Variants in DIAPH2 observed in about 807,000 individuals in gnomAD.
DIAPH2 encodes the protein protein diaphanous homolog 2.
Under a neutral mutation model 92.7 loss-of-function variants are expected in DIAPH2, and 35 were observed. That is an observed-to-expected ratio of 0.38 (90% CI 0.29 to 0.50). The LOEUF (loss-of-function observed/expected upper bound fraction) is 0.50, where lower values mean the gene tolerates loss of function less well. Ranked by LOEUF, DIAPH2 falls within the 20% of genes least tolerant of loss-of-function variation. The pLI is 0.94. For missense variants in DIAPH2, 701 were observed against 819.5 expected, an observed-to-expected ratio of 0.86 and a Z score of 1.77; for synonymous variants, 301 against 280.4, an observed-to-expected ratio of 1.07 and a Z score of -0.73.
At chrX:97,135,120 T>G (rs578743) in intron 21 of DIAPH2, among the ~76,000 whole-genome samples, 8,950 of 111,790 alleles carry the variant, frequency 0.08, 575 homozygotes, top group African/African-American at 0.19. Context: ...AATTATATAT[T>G]GTGGAATAAG....
intron 4 of DIAPH2, among the ~76,000 whole-genome samples, chrX:96,814,257 G>C (rs1057371774): frequency 9.0e-6 from 1 of 110,906 alleles, no homozygotes; most frequent in Non-Finnish European, 1.9e-5. Context: ...TTCTCCTCTC[G>C]CTTTATTTCA....
At chrX:96,779,032 A>G (rs1021226327) in intron 4 of DIAPH2, among the ~76,000 whole-genome samples, 10 of 112,280 alleles carry the variant, frequency 8.9e-5, no homozygotes, top group Non-Finnish European at 1.9e-4. Flanking sequence ...TTTCTCTGAA[A>G]CATTTCACAT....
chrX:97,239,704 A>G (rs1335086694), intron 22 of DIAPH2, among the ~76,000 whole-genome samples: 1 of 111,230 alleles, frequency 9.0e-6, no homozygotes, highest in Non-Finnish European at 1.9e-5. Context: ...TAGTGAACTA[A>G]TATAATGACA....
chrX:97,537,493 T>C (rs2071105296), intron 26 of DIAPH2, among the ~76,000 whole-genome samples: 1 of 112,201 alleles, frequency 8.9e-6, no homozygotes, highest in South Asian at 3.7e-4. Context: ...GTAAACAGCC[T>C]CTAAGATAGT....
chrX:97,522,795 C>G (rs1459667991), intron 26 of DIAPH2, among the ~76,000 whole-genome samples: 1 of 112,248 alleles, frequency 8.9e-6, no homozygotes, highest in African/African-American at 3.2e-5. Context: ...TTATTTACCT[C>G]CTGCCCATGA....
chrX:97,583,164 T>G (rs2147880996), intron 26 of DIAPH2, among the ~76,000 whole-genome samples: 1 of 112,317 alleles, frequency 8.9e-6, no homozygotes, highest in African/African-American at 3.2e-5. Flanking sequence ...GAAGTCTTCT[T>G]CTCTCAGCTC....
chrX:96,871,025 GGTAA>G (rs1256915812), intron 4 of DIAPH2, among the ~76,000 whole-genome samples: 1 of 111,865 alleles, frequency 8.9e-6, no homozygotes, highest in African/African-American at 3.2e-5. Flanking sequence ...AACAAATGTT[GGTAA>G]GTCTTACTGT....
In DIAPH2 at chrX:97,253,867, A is replaced by G. The variant is rs1481791328; in HGVS notation, c.2844+6028A>G. 2.7e-5 allele frequency among the ~76,000 whole-genome samples: 3 copies of G among 112,472 alleles called. No individual in the cohort carries two copies. The East Asian group carries it at 8.3e-4, about 31-fold the overall frequency. On this transcript the variant is annotated intron_variant, in intron 23 of 26. Coordinates refer to ENST00000324765, the MANE Select transcript of DIAPH2 (RefSeq NM_006729.5). ...TAAAGGCCAATTTTATTCAGCAACTATTGCAATAGGAGAGAGACCTTACTA... is the reference window on the plus strand; with the variant it reads ...TAAAGGCCAATTTTATTCAGCAACTGTTGCAATAGGAGAGAGACCTTACTA...
chrX:97,364,406 ACT>A (rs1344097629), intron 24 of DIAPH2, among the ~76,000 whole-genome samples: 1 of 111,655 alleles, frequency 9.0e-6, no homozygotes, highest in Non-Finnish European at 1.9e-5. Context: ...TGTAGTATCA[ACT>A]CAGCTTTGAT....
At chrX:97,185,127 A>T (rs1304738427) in intron 22 of DIAPH2, among the ~76,000 whole-genome samples, 1 of 99,658 alleles carries the variant, frequency 1.0e-5, no homozygotes, top group South Asian at 4.9e-4. Context: ...AAAAATATTT[A>T]AAAAAACAAA....
rs184202752 is a variant in DIAPH2, at chrX:97,460,346, A to G, written c.3241+30601A>G. The stretch of plus-strand genomic sequence containing the variant: ...GCTCGTTATTATTACTGCTATTATT[A>G]TTTTTATTAGTTAGAGTTTAAAGAA... On this transcript the variant is annotated intron_variant, in intron 26 of 26. Coordinates refer to ENST00000324765, the MANE Select transcript of DIAPH2 (RefSeq NM_006729.5). Among the ~76,000 whole-genome samples, 11 of 112,039 alleles carry G rather than the reference A, an allele frequency of 9.8e-5. No individual in the cohort carries two copies. The East Asian group carries it at 3.1e-3, about 31-fold the overall frequency.
rs769464496 is a variant in DIAPH2 at position 96,887,526 on chromosome X, G to A, written c.587+5808G>A. Among the ~76,000 whole-genome samples the A allele has an allele frequency of 4.5e-5, 5 of 111,322 alleles. No individual in the cohort carries two copies. In the South Asian group the frequency reaches 1.2e-3, roughly 26 times the overall value. On this transcript the variant is annotated intron_variant, in intron 5 of 26. Transcript: ENST00000324765. ...CCTATGGCTCACAGGCTTACGAAAT[G>A]TATGTATTTATATTGAGGTTGATTC...
chrX:96,776,293 C>T (rs908916715), intron 4 of DIAPH2, among the ~76,000 whole-genome samples: 24 of 111,111 alleles, frequency 2.2e-4, no homozygotes, highest in Admixed American at 5.8e-4. Context: ...TCACTGCACC[C>T]TCTGCCTCCT....
intron 21 of DIAPH2, among the ~76,000 whole-genome samples, chrX:97,130,008 A>G (rs1483883650): frequency 1.8e-5 from 2 of 112,202 alleles, no homozygotes; most frequent in African/African-American, 6.5e-5. Context: ...AGGAAAAGAT[A>G]CTTAACACCA....
At chrX:97,383,439 T>G (rs970725780) in intron 24 of DIAPH2, among the ~76,000 whole-genome samples, 2 of 109,795 alleles carry the variant, frequency 1.8e-5, no homozygotes, top group African/African-American at 6.6e-5. Context: ...TTAATCTCAA[T>G]TTTGCAGATA....
At chrX:96,812,849 C>G (rs1487265186) in intron 4 of DIAPH2, among the ~76,000 whole-genome samples, 1 of 111,791 alleles carries the variant, frequency 8.9e-6, no homozygotes, top group Non-Finnish European at 1.9e-5. Context: ...GTTTCTTAAT[C>G]CTGTGTCCTA....
chrX:97,514,488 C>G (rs1295503136), intron 26 of DIAPH2, among the ~76,000 whole-genome samples: 1 of 112,415 alleles, frequency 8.9e-6, no homozygotes. Context: ...ATTTGATCGT[C>G]TGAAGCCTTC....
chrX:96,947,066 C>G (rs1458935802), intron 14 of DIAPH2, among the ~76,000 whole-genome samples: 1 of 111,705 alleles, frequency 9.0e-6, no homozygotes, highest in African/African-American at 3.2e-5. Flanking sequence ...GCCACTTACT[C>G]TCTTTAGATC....
chrX:97,014,609 G>T (rs745413886), intron 17 of DIAPH2, among the ~76,000 whole-genome samples: 1 of 112,052 alleles, frequency 8.9e-6, no homozygotes, highest in Non-Finnish European at 1.9e-5. Flanking sequence ...ACATTTGTCA[G>T]AAACTGCCTG....
Sources: gnomAD v4.1 joint callset for allele counts (sites outside exome capture counted in the v4.1 genomes callset) on GRCh38, gnomAD v4.1.1 for gene constraint, MANE v1.5 for transcripts, NCBI Gene and HGNC (gene_info 2026-07-23, HGNC 2026-07-21) for gene names.